Variants in LRRC4C observed in about 807,000 individuals in gnomAD.
LRRC4C encodes leucine rich repeat containing 4C, also known as leucine-rich repeat-containing protein 4C.
LRRC4C carries 5 observed loss-of-function variants against 33.6 expected under a neutral mutation model. The observed-to-expected ratio is 0.15, with a 90% confidence interval of 0.08 to 0.31. The LOEUF (loss-of-function observed/expected upper bound fraction) is 0.31. Among genes scored for constraint, LRRC4C ranks in the 10% least tolerant of loss-of-function variants. LRRC4C has a pLI of 1.00. For synonymous variants in LRRC4C, 329 were observed against 302.0 expected (o/e 1.09, Z -0.93); for missense variants, 560 against 796.7 (o/e 0.70, Z 3.58).
intron 3 of LRRC4C, among the ~76,000 whole-genome samples, chr11:40,542,604 T>TA (rs1956766702): frequency 6.6e-6 from 1 of 151,970 alleles, no homozygotes; most frequent in African/African-American, 2.4e-5. Flanking sequence ...GGAGTTTCCC[T>TA]AGAGCAAGCC....
chr11:41,015,479 C>T (rs1855515133), intron 1 of LRRC4C, among the ~76,000 whole-genome samples: 1 of 152,046 alleles, frequency 6.6e-6, no homozygotes. Flanking sequence ...TAGGCACACA[C>T]CAGTCTGTAT....
chr11:41,190,222 G>A (rs1945881030), intron 1 of LRRC4C, among the ~76,000 whole-genome samples: 1 of 152,070 alleles, frequency 6.6e-6, no homozygotes. Context: ...CCTTCCACCT[G>A]AGCCTGAAGA....
At chr11:40,945,305 C>A (rs1162926566) in intron 1 of LRRC4C, among the ~76,000 whole-genome samples, 1 of 152,082 alleles carries the variant, frequency 6.6e-6, no homozygotes, top group Non-Finnish European at 1.5e-5. Context: ...CAGGCTTGAG[C>A]CACCGTGCCC....
chr11:40,959,384 C>T (rs1423338990), intron 1 of LRRC4C, among the ~76,000 whole-genome samples: 1 of 151,446 alleles, frequency 6.6e-6, no homozygotes, highest in East Asian at 1.9e-4. Flanking sequence ...TCCCTTTCCC[C>T]AAGTTCCTGG....
At chr11:40,617,135 C>T (rs991218159) in intron 3 of LRRC4C, among the ~76,000 whole-genome samples, 1 of 151,664 alleles carries the variant, frequency 6.6e-6, no homozygotes. Context: ...AAGAGTTTAT[C>T]CATTTACATA....
intron 1 of LRRC4C, among the ~76,000 whole-genome samples, chr11:41,273,319 C>T (rs2031822759): frequency 1.3e-5 from 2 of 152,068 alleles, no homozygotes; most frequent in African/African-American, 4.8e-5. Context: ...AGACCATTCA[C>T]AATAGTCAAC....
At chr11:40,889,019 T>A (rs1955582577) in intron 2 of LRRC4C, among the ~76,000 whole-genome samples, 1 of 152,010 alleles carries the variant, frequency 6.6e-6, no homozygotes, top group Admixed American at 6.6e-5. Flanking sequence ...GAGGGCAATT[T>A]GGAAATACCT....
At chr11:40,804,110 T>C (rs79969360) in intron 2 of LRRC4C, among the ~76,000 whole-genome samples, 24,791 of 152,052 alleles carry the variant, frequency 0.16, 2,124 homozygotes, top group Admixed American at 0.2. Context: ...GGGAAGGATC[T>C]TTTACTAATT....
intron 4 of LRRC4C, among the ~76,000 whole-genome samples, chr11:40,253,331 T>C (rs1010401201): frequency 6.6e-6 from 1 of 151,134 alleles, no homozygotes; most frequent in Non-Finnish European, 1.5e-5. Flanking sequence ...TCCTCTTGCT[T>C]GTTTGTTTGT....
At chr11:40,640,790 G>A (rs1015797769) in intron 3 of LRRC4C, among the ~76,000 whole-genome samples, 2 of 151,968 alleles carry the variant, frequency 1.3e-5, no homozygotes, top group African/African-American at 4.8e-5. Flanking sequence ...CAAGGTGGGC[G>A]GATCACGAGG....
intron 4 of LRRC4C, among the ~76,000 whole-genome samples, chr11:40,291,642 C>T (rs1944198108): frequency 6.6e-6 from 1 of 152,192 alleles, no homozygotes; most frequent in South Asian, 2.1e-4. Flanking sequence ...AGTACAGCCA[C>T]TTCTCTCCAC....
chr11:40,393,998 G>A lies in LRRC4C; in HGVS notation c.-269-74277C>T, dbSNP rs75208123. 1.4e-4 allele frequency among the ~76,000 whole-genome samples: 21 copies of A among 152,060 alleles called. No individual in the cohort carries two copies. In the East Asian group the frequency reaches 4.1e-3, roughly 29 times the overall value. ...TTTAGATTTGTATTTTAAATTGTCT[G>A]ACAGTAGGCAAGACCATGAAGAGTA... On this transcript the variant is annotated intron_variant, in intron 3 of 6. Coordinates refer to ENST00000528697, the MANE Select transcript of LRRC4C (RefSeq NM_001258419.2).
intron 1 of LRRC4C, among the ~76,000 whole-genome samples, chr11:41,321,780 A>G (rs1392139826): frequency 6.6e-6 from 1 of 152,200 alleles, no homozygotes; most frequent in Non-Finnish European, 1.5e-5. Flanking sequence ...CCCAGTTACG[A>G]GGTAGATGAC....
intron 1 of LRRC4C, among the ~76,000 whole-genome samples, chr11:41,231,406 C>T (rs1454513111): frequency 2.6e-5 from 4 of 151,780 alleles, no homozygotes; most frequent in East Asian, 1.9e-4. Context: ...GAAAATGTGG[C>T]ACATATACAC....
intron 1 of LRRC4C, among the ~76,000 whole-genome samples, chr11:41,062,268 C>T (rs1937840287): frequency 6.6e-6 from 1 of 152,110 alleles, no homozygotes; most frequent in African/African-American, 2.4e-5. Context: ...CTTCAAAAGG[C>T]ACCAGTGTGT....
At chr11:40,262,829 T>C (rs1941960071) in intron 4 of LRRC4C, among the ~76,000 whole-genome samples, 1 of 151,842 alleles carries the variant, frequency 6.6e-6, no homozygotes, top group African/African-American at 2.4e-5. Context: ...CAGGGCCTGT[T>C]GGGGAGTAGG....
At chr11:40,338,856 A>G (rs1433150432) in intron 3 of LRRC4C, among the ~76,000 whole-genome samples, 1 of 152,180 alleles carries the variant, frequency 6.6e-6, no homozygotes, top group Non-Finnish European at 1.5e-5. Context: ...CTAGACTATA[A>G]AAAGAGAAAG....
chr11:41,240,828 C>G (rs974884342), intron 1 of LRRC4C, among the ~76,000 whole-genome samples: 4 of 152,104 alleles, frequency 2.6e-5, no homozygotes, highest in Non-Finnish European at 4.4e-5. Context: ...CACGCACACA[C>G]ACACAAATTA....
chr11:40,432,910 A>G (rs1950991968), intron 3 of LRRC4C, among the ~76,000 whole-genome samples: 1 of 152,198 alleles, frequency 6.6e-6, no homozygotes, highest in African/African-American at 2.4e-5. Flanking sequence ...CAATGTTAGC[A>G]ATGAATGTAA....
Sources: allele counts gnomAD v4.1 joint callset (sites outside exome capture counted in the v4.1 genomes callset), GRCh38; gene constraint gnomAD v4.1.1; transcripts MANE v1.5; gene names NCBI Gene and HGNC (gene_info 2026-07-23, HGNC 2026-07-21).